The following BICRA variants were observed in gnomAD, a reference collection of about 807,000 sequenced individuals.
BICRA encodes BRD4 interacting chromatin remodeling complex associated protein, also known as BRD4-interacting chromatin-remodeling complex-associated protein.
BICRA carries 31 observed loss-of-function variants against 96.9 expected under a neutral mutation model. The observed-to-expected ratio is 0.32, with a 90% confidence interval of 0.24 to 0.43. The LOEUF is 0.43. Among genes scored for constraint, BICRA ranks in the 20% least tolerant of loss-of-function variants. BICRA has a pLI of 1.00. For synonymous variants in BICRA, 1,350 were observed against 1,071.8 expected (o/e 1.26, Z -5.07); for missense variants, 2,283 against 2,190.3 (o/e 1.04, Z -0.84).
intron 1 of BICRA, among the ~76,000 whole-genome samples, chr19:47,664,762 G>A (rs1972751826): frequency 6.6e-6 from 1 of 152,204 alleles, no homozygotes; most frequent in Non-Finnish European, 1.5e-5. Flanking sequence ...TGTGCCCGTG[G>A]GGGGTTGGCT....
Position 47,694,247 on chromosome 19 carries a change from C to A in BICRA, c.2416C>A (p.Arg806=), listed in dbSNP as rs748802593. 3 of 974,450 alleles carry A rather than the reference C, an allele frequency of 3.1e-6. No individual in the cohort carries two copies. In the South Asian group the frequency reaches 4.8e-5, roughly 15 times the overall value. 60.4% of individuals were successfully genotyped at this position (974,450 alleles called of 1,614,324 possible). The part of the protein sequence containing the change: ...PTRPPSRPPS[R]PQSVSRPPSE... ...CCGGCCCCCTTCCCGCCCACCCTCCCGGCCACAGAGTGTGTCCCGCCCTCC... is the reference window on the plus strand; with the variant it reads ...CCGGCCCCCTTCCCGCCCACCCTCCAGGCCACAGAGTGTGTCCCGCCCTCC... The change falls in exon 8 of 15, where the codon CGG becomes AGG. Residue 806 remains arginine (R), a synonymous_variant. Coordinates refer to ENST00000594866, the MANE Select transcript of BICRA (RefSeq NM_001394372.1).
chr19:47,674,279 G>A (rs976889918), intron 4 of BICRA, among the ~76,000 whole-genome samples: 2 of 106,538 alleles, frequency 1.9e-5, no homozygotes, highest in African/African-American at 4.0e-5. Flanking sequence ...AAAACTAGTA[G>A]GAGGTGAGAC....
chr19:47,619,552 C>T (rs1972034652), intron 1 of BICRA, among the ~76,000 whole-genome samples: 2 of 150,072 alleles, frequency 1.3e-5, no homozygotes, highest in Admixed American at 6.7e-5. Flanking sequence ...AGCCACTGGT[C>T]CCAGCCTCTC....
At chr19:47,695,344 C>CAG in intron 9 of BICRA, 21 bp from the exon 10 acceptor site, 2 of 513,694 alleles carry the variant, frequency 3.9e-6, no homozygotes, top group South Asian at 2.1e-5. Context: ...GCCCTGTCTC[C>CAG]CCCACCCCAC....
In BICRA at chr19:47,695,596, G is replaced by A. The variant is rs549391002; in HGVS notation, c.3186+122G>A. The A allele has an allele frequency of 8.3e-5, 52 of 626,694 alleles. No homozygotes were observed. In the South Asian group the frequency reaches 9.9e-4, roughly 12 times the overall value. The allele number at this position is 626,694 out of a possible 1,614,324, so 38.8% of individuals were successfully genotyped here. A position where few individuals can be genotyped will look rare whatever the true frequency, so the allele number is the denominator to read the frequency against. The stretch of plus-strand genomic sequence containing the variant: ...GACAGGATGAAGCTGGGACCATCAG[G>A]CAGCTGAGACACCACGAACAGCCGT... On this transcript the variant is annotated intron_variant, in intron 10 of 14. Coordinates refer to ENST00000594866, the MANE Select transcript of BICRA (RefSeq NM_001394372.1).
chr19:47,608,760 T>G (rs1156460270), upstream of BICRA, among the ~76,000 whole-genome samples: 1 of 151,012 alleles, frequency 6.6e-6, no homozygotes, highest in Non-Finnish European at 1.5e-5. Flanking sequence ...CCGCTCGGCC[T>G]GGCGGGGCCG....
Position 47,696,482 on chromosome 19 carries a change from C to T in BICRA, c.3218C>T (p.Pro1073Leu), listed in dbSNP as rs749972863. ...YESKLSGLKK[P>L]PTLQPSKEAC... ...AGCAAACTGAGTGGCCTGAAGAAGC[C>T]CCCCACGCTTCAGCCCAGCAAGGAA... is the stretch of plus-strand genomic sequence containing the variant. Residue 1073 changes from proline to leucine, a missense_variant, in exon 11 of 15, where the codon CCC (proline) becomes CTC (leucine). Transcript: ENST00000594866. 3 of 1,604,580 alleles carry T rather than the reference C, an allele frequency of 1.9e-6. No homozygotes were observed. The highest frequency in any genetic ancestry group is 2.7e-5 in the African/African-American group (2 of 74,686).
chr19:47,649,086 T>A (rs1209365542), intron 1 of BICRA, among the ~76,000 whole-genome samples: 1 of 152,016 alleles, frequency 6.6e-6, no homozygotes, highest in East Asian at 1.9e-4. Flanking sequence ...CTCCTGACCT[T>A]GTGATCTGCC....
chr19:47,697,247 G>T (rs1973360495), intron 11 of BICRA, among the ~76,000 whole-genome samples: 1 of 151,870 alleles, frequency 6.6e-6, no homozygotes, highest in African/African-American at 2.4e-5. Flanking sequence ...GCCTCCCAAG[G>T]TGCTGGGATT....
intron 1 of BICRA, among the ~76,000 whole-genome samples, chr19:47,609,970 G>T (rs934461728): frequency 4.6e-5 from 7 of 152,224 alleles, no homozygotes; most frequent in African/African-American, 1.7e-4. Context: ...ACGGGGGTGG[G>T]GGGGGTGAGC....
In BICRA at chr19:47,624,153, T is replaced by C. The variant is rs114801604; in HGVS notation, c.-108+14985T>C. 9.8e-3 allele frequency among the ~76,000 whole-genome samples: 1,484 copies of C among 152,196 alleles called. 27 individuals are homozygous for C. Among genetic ancestry groups the C allele is most frequent in the African/African-American group, 0.034 (1,422 of 41,540 alleles). On this transcript the variant is annotated intron_variant, in intron 1 of 14. Transcript: ENST00000594866. ...GGCGTGAGCCAACATGCCCGGCAGA[T>C]TGTGACTCCCTAGTGCCCTCAGGTA...
chr19:47,625,298 C>CTTT (rs577643609), intron 1 of BICRA, among the ~76,000 whole-genome samples: 2 of 136,250 alleles, frequency 1.5e-5, no homozygotes, highest in Non-Finnish European at 3.2e-5. Flanking sequence ...CCAACCTGGC[C>CTTT]TTTTTTTTTT....
At position 47,701,905 on chromosome 19, in the gene BICRA, C is replaced by A; in HGVS notation, c.4173C>A (p.Tyr1391Ter). ...HCPRLPLRKT[Y>*]RENVGGPGAP... ...CGCGCCTGCCACTGCGCAAGACCTA[C>A]CGCGAGAACGTGGGGGGCCCTGGCG... is the stretch of plus-strand genomic sequence containing the variant. The change falls in exon 15 of 15, where the codon TAC becomes TAA. Residue 1391 changes from tyrosine to a stop codon, truncating the protein, a stop_gained. Transcript: ENST00000594866. LOFTEE classifies it high-confidence loss of function. The surrounding 1 kb of genome is among the most constrained non-coding windows in gnomAD (Gnocchi z 5.4). The A allele has an allele frequency of 6.9e-7, 1 of 1,442,594 alleles. No homozygotes were observed. The highest frequency in any genetic ancestry group is 9.0e-7 in the Non-Finnish European group (1 of 1,106,174). The allele number at this position is 1,442,594 out of a possible 1,614,324, so 89.4% of individuals were successfully genotyped here. A position where few individuals can be genotyped will look rare whatever the true frequency, so the allele number is the denominator to read the frequency against.
intron 7 of BICRA, among the ~76,000 whole-genome samples, chr19:47,693,841 G>T (rs951990040): frequency 2.6e-5 from 4 of 152,214 alleles, no homozygotes; most frequent in Non-Finnish European, 4.4e-5. Context: ...GGGGTGGGGG[G>T]AATGGGGCAG....
At chr19:47,697,684 G>A (rs949192839) in intron 11 of BICRA, among the ~76,000 whole-genome samples, 1 of 151,910 alleles carries the variant, frequency 6.6e-6, no homozygotes, top group Non-Finnish European at 1.5e-5. Context: ...CATTATGTTG[G>A]CCAGTCTGGT....
At position 47,683,001 on chromosome 19, in the gene BICRA, A is replaced by G. The variant is rs577880382; in HGVS notation, c.2283+849A>G. Reference sequence around the variant, plus strand: ...TCTTCATTCTCTTGTGTGACTGCGTAGTATTCCACTGTGTGGGTGTGCGGA... The same window carrying G: ...TCTTCATTCTCTTGTGTGACTGCGTGGTATTCCACTGTGTGGGTGTGCGGA... On this transcript the variant is annotated intron_variant, in intron 7 of 14. Transcript: ENST00000594866. Among the ~76,000 whole-genome samples, 67 of 152,230 alleles carry G rather than the reference A, an allele frequency of 4.4e-4. 1 individual carries two copies. The highest frequency in any genetic ancestry group is 1.5e-3 in the African/African-American group (63 of 41,528).
chr19:47,677,116 C>T (rs1180107605), intron 5 of BICRA, among the ~76,000 whole-genome samples: 2 of 152,190 alleles, frequency 1.3e-5, no homozygotes, highest in South Asian at 2.1e-4. Context: ...CAGCACCCGC[C>T]TCATGGGACT....
chr19:47,633,316 G>T (rs1300488573), intron 1 of BICRA, among the ~76,000 whole-genome samples: 1 of 151,964 alleles, frequency 6.6e-6, no homozygotes, highest in Non-Finnish European at 1.5e-5. Context: ...CTGACCTCAA[G>T]TGATCCGCCT....
Position 47,681,059 on chromosome 19 carries a change from C to T in BICRA, c.1889C>T (p.Ala630Val), listed in dbSNP as rs1259412058. 4.3e-6 allele frequency: 6 copies of T among 1,401,932 alleles called. No individual in the cohort carries two copies. The highest frequency in any genetic ancestry group is 5.5e-6 in the Non-Finnish European group (6 of 1,082,188). The allele number at this position is 1,401,932 out of a possible 1,614,324, so 86.8% of individuals were successfully genotyped here. Residue 630 changes from alanine to valine, a missense_variant, in exon 6 of 15, where the codon GCG (alanine) becomes GTG (valine). By Grantham distance (64) the Ala-to-Val change is moderately conservative. Transcript: ENST00000594866. ...TVQPAPQAPP[A>V]VSTPLPLGLQ... The stretch of plus-strand genomic sequence containing the variant: ...CAGCCTGCCCCCCAGGCGCCCCCCG[C>T]GGTCAGCACACCCCTGCCCCTGGGC...
Sources: allele counts gnomAD v4.1 joint callset (sites outside exome capture counted in the v4.1 genomes callset), GRCh38; gene constraint gnomAD v4.1.1; non-coding constraint Gnocchi (gnomAD v3.1); transcripts MANE v1.5; gene names NCBI Gene and HGNC (gene_info 2026-07-23, HGNC 2026-07-21).